The following PCDH15 variants were observed in gnomAD, a reference collection of about 807,000 sequenced individuals.
PCDH15 encodes protocadherin related 15.
Under a neutral mutation model 178.5 loss-of-function variants are expected in PCDH15, and 129 were observed. The observed-to-expected ratio is 0.72, with a 90% CI of 0.63 to 0.84. The LOEUF is 0.84. Ranked by LOEUF, PCDH15 falls within the 40% of genes least tolerant of loss-of-function variation. PCDH15 has a pLI of 0.00. For synonymous variants in PCDH15, 800 were observed against 732.0 expected (o/e 1.09, Z -1.50); for missense variants, 2,230 against 2,099.9 (o/e 1.06, Z -1.21).
At chr10:55,061,848 C>T (rs568391610) in intron 2 of PCDH15, among the ~76,000 whole-genome samples, 3 of 152,044 alleles carry the variant, frequency 2.0e-5, no homozygotes, top group Admixed American at 1.3e-4. Context: ...GGTGAAACCC[C>T]GACTCTACTA....
At chr10:53,852,213 T>A (rs937566888) in intron 28 of PCDH15, among the ~76,000 whole-genome samples, 3 of 152,078 alleles carry the variant, frequency 2.0e-5, no homozygotes, top group African/African-American at 7.2e-5. Context: ...TATTTGCCAA[T>A]TATTTGTCCA....
At chr10:55,600,518 T>C (rs1176071005) in intron 2 of PCDH15, among the ~76,000 whole-genome samples, 2 of 152,140 alleles carry the variant, frequency 1.3e-5, no homozygotes, top group Non-Finnish European at 2.9e-5. Context: ...AGTGCAATCC[T>C]ATTCTAGCAT....
chr10:55,097,756 G>T (rs1378031634), intron 2 of PCDH15, among the ~76,000 whole-genome samples: 2 of 152,048 alleles, frequency 1.3e-5, no homozygotes, highest in African/African-American at 4.8e-5. Flanking sequence ...ATCCTGAAGA[G>T]TCACACCTGT....
intron 21 of PCDH15, among the ~76,000 whole-genome samples, chr10:53,974,969 T>G (rs551580902): frequency 1.2e-4 from 19 of 152,184 alleles, no homozygotes; most frequent in Non-Finnish European, 2.6e-4. Flanking sequence ...GTATCTATTG[T>G]TCCCATCTTT....
chr10:54,717,691 A>C (rs2132450193), intron 1 of PCDH15, among the ~76,000 whole-genome samples: 1 of 137,188 alleles, frequency 7.3e-6, no homozygotes, highest in African/African-American at 2.8e-5. Flanking sequence ...ACCATTGTGG[A>C]AGTCAGTGTG....
chr10:54,427,283 T>G (rs1452504400), intron 3 of PCDH15, among the ~76,000 whole-genome samples: 1 of 138,264 alleles, frequency 7.2e-6, no homozygotes, highest in South Asian at 2.4e-4. Flanking sequence ...TTTTTTTTTT[T>G]TTTTTTTTTT....
chr10:54,581,083 C>T (rs1251013883), intron 2 of PCDH15, among the ~76,000 whole-genome samples: 1 of 151,970 alleles, frequency 6.6e-6, no homozygotes, highest in African/African-American at 2.4e-5. Context: ...CAATGCAGTA[C>T]TGGAAATCTT....
chr10:54,234,336 T>TGGA (rs1315294145), intron 9 of PCDH15, among the ~76,000 whole-genome samples: 26 of 152,328 alleles, frequency 1.7e-4, no homozygotes, highest in African/African-American at 4.8e-4. Context: ...TACAATGTAT[T>TGGA]GGATCAAATT....
chr10:54,026,498 T>C (rs2093098701), intron 18 of PCDH15, among the ~76,000 whole-genome samples: 2 of 152,282 alleles, frequency 1.3e-5, no homozygotes, highest in Admixed American at 6.5e-5. Context: ...TGGTATAAAT[T>C]ACGATATGTC....
intron 3 of PCDH15, among the ~76,000 whole-genome samples, chr10:54,858,336 C>T (rs965090438): frequency 4.6e-5 from 7 of 152,208 alleles, no homozygotes; most frequent in African/African-American, 1.4e-4. Flanking sequence ...GTTGATTCCA[C>T]GTCGCTGCTA....
At chr10:55,398,295 G>A (rs1161948105) in intron 2 of PCDH15, among the ~76,000 whole-genome samples, 1 of 152,076 alleles carries the variant, frequency 6.6e-6, no homozygotes, top group East Asian at 1.9e-4. Flanking sequence ...GTGAGTAGAA[G>A]TGAGAAAGAC....
At chr10:55,548,258 A>G (rs78929184) in intron 2 of PCDH15, among the ~76,000 whole-genome samples, 1,804 of 150,246 alleles carry the variant, frequency 0.012, 37 homozygotes, top group African/African-American at 0.041. Context: ...ACACACAAAC[A>G]TGATCCTAAT....
At chr10:54,028,016 G>A (rs1237278572) in intron 18 of PCDH15, among the ~76,000 whole-genome samples, 1 of 150,644 alleles carries the variant, frequency 6.6e-6, no homozygotes, top group Non-Finnish European at 1.5e-5. Context: ...CCCACACAAT[G>A]GGAGAAAATT....
chr10:55,181,588 T>A (rs1839648991), intron 1 of PCDH15, among the ~76,000 whole-genome samples: 1 of 152,068 alleles, frequency 6.6e-6, no homozygotes, highest in African/African-American at 2.4e-5. Context: ...TTATTGACGA[T>A]AATTTTCTAA....
At chr10:55,098,937 C>T (rs1842513719) in intron 2 of PCDH15, among the ~76,000 whole-genome samples, 1 of 92,624 alleles carries the variant, frequency 1.1e-5, no homozygotes, top group African/African-American at 5.4e-5. Flanking sequence ...AGAGAGAGCT[C>T]TTATCCTTTC....
chr10:53,927,711 C>T (rs1376704628), intron 25 of PCDH15, among the ~76,000 whole-genome samples: 2 of 152,072 alleles, frequency 1.3e-5, no homozygotes, highest in African/African-American at 2.4e-5. Context: ...CATCTTTCAT[C>T]TTCATAGTGT....
chr10:54,850,225 C>T (rs1283354185), intron 3 of PCDH15, among the ~76,000 whole-genome samples: 1 of 152,096 alleles, frequency 6.6e-6, no homozygotes, highest in Non-Finnish European at 1.5e-5. Context: ...GCATTTACAT[C>T]AATACTCGAT....
At chr10:54,551,051 T>TG (rs991016227) in intron 2 of PCDH15, among the ~76,000 whole-genome samples, 2 of 143,012 alleles carry the variant, frequency 1.4e-5, no homozygotes, top group African/African-American at 5.3e-5. Flanking sequence ...AGGACTAGAG[T>TG]GGACGAGGCA....
At chr10:55,179,848 C>G (rs887718148) in intron 1 of PCDH15, among the ~76,000 whole-genome samples, 2 of 151,900 alleles carry the variant, frequency 1.3e-5, no homozygotes, top group African/African-American at 4.8e-5. Context: ...GAAGTGGCAA[C>G]TGGGTGACAC....
Sources: allele counts gnomAD v4.1 joint callset (sites outside exome capture counted in the v4.1 genomes callset), GRCh38; gene constraint gnomAD v4.1.1; transcripts MANE v1.5; gene names NCBI Gene and HGNC (gene_info 2026-07-23, HGNC 2026-07-21).